Variants in RABGAP1L observed in about 807,000 individuals in gnomAD.
RABGAP1L encodes rab GTPase-activating protein 1-like.
In RABGAP1L, 63 loss-of-function variants were observed where a neutral mutation model predicts 137.7. The observed-to-expected ratio is 0.46, with a 90% CI of 0.37 to 0.56. The LOEUF (loss-of-function observed/expected upper bound fraction) is 0.56, where lower values mean the gene tolerates loss of function less well. Among genes scored for constraint, RABGAP1L ranks in the 20% least tolerant of loss-of-function variants. RABGAP1L has a pLI of 0.00. For synonymous variants in RABGAP1L, 431 were observed against 433.7 expected (o/e 0.99, Z 0.08); for missense variants, 1,095 against 1,244.0 (o/e 0.88, Z 1.80).
chr1:174,786,255 T>C (rs1015592946), intron 18 of RABGAP1L, among the ~76,000 whole-genome samples: 12 of 152,230 alleles, frequency 7.9e-5, no homozygotes, highest in Non-Finnish European at 1.8e-4. Context: ...GGGATATTTT[T>C]TGTTAATATT....
chr1:174,758,441 C>T (rs958523616), intron 18 of RABGAP1L, among the ~76,000 whole-genome samples: 18 of 151,862 alleles, frequency 1.2e-4, no homozygotes, highest in Non-Finnish European at 1.9e-4. Context: ...AATCCCTCAC[C>T]GCCCTCCCAC....
rs1573676678 is a variant in RABGAP1L at position 174,888,561 on chromosome 1, A to G, written c.2341-68896A>G. On this transcript the variant is annotated intron_variant, in intron 19 of 25. Transcript: ENST00000681986. ...TATGTCAGCTTTTTTTATTTTGGAA[A>G]CAGAATCTCACTGTGTCGCCCAGGC... Among the ~76,000 whole-genome samples, 3 of 152,242 alleles carry G rather than the reference A, an allele frequency of 2.0e-5. No individual in the cohort carries two copies. The Middle Eastern group carries it at 0.01, about 518-fold the overall frequency.
chr1:174,496,647 T>C (rs1269296800), intron 13 of RABGAP1L, among the ~76,000 whole-genome samples: 1 of 152,186 alleles, frequency 6.6e-6, no homozygotes, highest in Non-Finnish European at 1.5e-5. Flanking sequence ...AATATCTCAA[T>C]TGAAGGCAAC....
chr1:174,513,726 A>G (rs1158211348), intron 13 of RABGAP1L, among the ~76,000 whole-genome samples: 1 of 152,240 alleles, frequency 6.6e-6, no homozygotes, highest in African/African-American at 2.4e-5. Context: ...TGATTAATGT[A>G]ACAAATGCTT....
chr1:174,413,902 G>A (rs1021779641), intron 13 of RABGAP1L, among the ~76,000 whole-genome samples: 5 of 151,728 alleles, frequency 3.3e-5, no homozygotes, highest in Non-Finnish European at 7.4e-5. Flanking sequence ...TGAATGCACA[G>A]TGGTCGAGCT....
intron 1 of RABGAP1L, among the ~76,000 whole-genome samples, chr1:174,215,888 AT>A (rs1342722789): frequency 7.2e-6 from 1 of 138,896 alleles, no homozygotes; most frequent in Non-Finnish European, 1.6e-5. Context: ...AGCAGCCAAG[AT>A]TTGGAAGCAA....
intron 19 of RABGAP1L, among the ~76,000 whole-genome samples, chr1:174,827,263 GC>G (rs1375029965): frequency 6.6e-6 from 1 of 152,112 alleles, no homozygotes; most frequent in African/African-American, 2.4e-5. Flanking sequence ...TCATGGCTTA[GC>G]CTCCTACTGA....
chr1:174,897,552 G>A (rs866076870), intron 19 of RABGAP1L: 46 of 152,366 alleles, frequency 3.0e-4, no homozygotes, highest in African/African-American at 1.0e-3. Context: ...TGGCAACAGT[G>A]TTGCTGACAT....
At chr1:174,546,001 G>A (rs966417121) in intron 13 of RABGAP1L, 1 of 152,066 alleles carries the variant, frequency 6.6e-6, no homozygotes, top group African/African-American at 2.4e-5. Context: ...AAGTAGAAAG[G>A]TTCTGTCATA....
At chr1:174,733,749 G>T (rs974336674) in intron 17 of RABGAP1L, among the ~76,000 whole-genome samples, 3 of 152,206 alleles carry the variant, frequency 2.0e-5, no homozygotes, top group Admixed American at 6.5e-5. Context: ...ATTTGGAAGA[G>T]AAATGATAGG....
At chr1:174,783,076 C>A (rs1279699212) in intron 18 of RABGAP1L, among the ~76,000 whole-genome samples, 1 of 152,128 alleles carries the variant, frequency 6.6e-6, no homozygotes, top group Non-Finnish European at 1.5e-5. Context: ...CACCGTTCAT[C>A]ACTGCTGAAT....
intron 14 of RABGAP1L, among the ~76,000 whole-genome samples, chr1:174,642,741 C>T (rs1173307282): frequency 7.7e-6 from 1 of 130,422 alleles, no homozygotes; most frequent in Non-Finnish European, 1.6e-5. Context: ...CTCCCCCTCT[C>T]CCCCTCTCCC....
intron 17 of RABGAP1L, among the ~76,000 whole-genome samples, chr1:174,741,912 G>A (rs1453719941): frequency 1.4e-5 from 2 of 146,420 alleles, no homozygotes; most frequent in African/African-American, 2.5e-5. Context: ...GGTGGCATGC[G>A]CCTATAGACC....
chr1:174,352,599 G>A (rs1206202730), intron 11 of RABGAP1L, among the ~76,000 whole-genome samples: 1 of 152,186 alleles, frequency 6.6e-6, no homozygotes, highest in African/African-American at 2.4e-5. Context: ...TCATTTGGGA[G>A]TTGATGATTT....
intron 11 of RABGAP1L, among the ~76,000 whole-genome samples, chr1:174,306,549 T>C (rs1678268712): frequency 6.6e-6 from 1 of 152,222 alleles, no homozygotes; most frequent in South Asian, 2.1e-4. Flanking sequence ...GTCTGTTGGC[T>C]GCAGAAATAT....
chr1:174,249,642 CTTTCTTTCT>C (rs1558069849), intron 5 of RABGAP1L, among the ~76,000 whole-genome samples: 1 of 138,188 alleles, frequency 7.2e-6, no homozygotes, highest in Non-Finnish European at 1.6e-5. Context: ...TTCTTTCTTT[CTTTCTTTCT>C]TTTTTTTTTT....
intron 19 of RABGAP1L, among the ~76,000 whole-genome samples, chr1:174,873,754 G>A (rs767095449): frequency 1.6e-4 from 24 of 151,826 alleles, no homozygotes; most frequent in African/African-American, 5.3e-4. Context: ...TGTGATCCAC[G>A]CACCTCGTCC....
At chr1:174,548,490 G>T in intron 13 of RABGAP1L, 1 of 946,456 alleles carries the variant, frequency 1.1e-6, no homozygotes, top group Non-Finnish European at 1.3e-6. Flanking sequence ...TTTATAACCT[G>T]ATTTTCTCAT....
chr1:174,409,564 C>T (rs906087530), intron 13 of RABGAP1L, among the ~76,000 whole-genome samples: 39 of 152,204 alleles, frequency 2.6e-4, no homozygotes, highest in Admixed American at 1.4e-3. Flanking sequence ...CCTGCGGGGT[C>T]GGGCAGAATA....
Sources: gnomAD v4.1 joint callset for allele counts (sites outside exome capture counted in the v4.1 genomes callset) on GRCh38, gnomAD v4.1.1 for gene constraint, MANE v1.5 for transcripts, NCBI Gene and HGNC (gene_info 2026-07-23, HGNC 2026-07-21) for gene names.